The following NHS variants were observed in gnomAD, a reference collection of about 807,000 sequenced individuals.
NHS encodes NHS actin remodeling regulator.
NHS carries 5 observed loss-of-function variants against 72.5 expected under a neutral mutation model. That is an observed-to-expected ratio of 0.07 (90% CI 0.04 to 0.14). The LOEUF (loss-of-function observed/expected upper bound fraction) is 0.14, where lower values mean the gene tolerates loss of function less well. Ranked by LOEUF, NHS falls within the 10% of genes least tolerant of loss-of-function variation. The pLI, the probability that NHS is intolerant of heterozygous loss-of-function variation, is 1.00. For synonymous variants in NHS, 464 were observed against 547.7 expected (o/e 0.85, Z 2.13); for missense variants, 1,072 against 1,355.7 (o/e 0.79, Z 3.29).
At chrX:17,652,748 C>T (rs541191643) in intron 1 of NHS, among the ~76,000 whole-genome samples, 1 of 111,839 alleles carries the variant, frequency 8.9e-6, no homozygotes, top group South Asian at 3.8e-4. Context: ...ATATTTCCAA[C>T]ACAAAGAAAT....
chrX:17,469,306 G>A (rs988175636), intron 1 of NHS, among the ~76,000 whole-genome samples: 4 of 112,365 alleles, frequency 3.6e-5, no homozygotes, highest in Non-Finnish European at 7.5e-5. Context: ...GAAAACATGC[G>A]TTTGTATTTC....
chrX:17,433,523 T>C (rs974821428), intron 1 of NHS, among the ~76,000 whole-genome samples: 14 of 110,502 alleles, frequency 1.3e-4, no homozygotes, highest in Admixed American at 1.1e-3. Flanking sequence ...ACTTGGCTGG[T>C]GGTCCAACAG....
chrX:17,571,853 C>T (rs1361979225), intron 1 of NHS, among the ~76,000 whole-genome samples: 1 of 112,210 alleles, frequency 8.9e-6, no homozygotes. Flanking sequence ...CCCAGAGGTT[C>T]TGGTACATTG....
At chrX:17,635,617 G>A (rs1475554510) in intron 1 of NHS, 2 of 1,162,733 alleles carry the variant, frequency 1.7e-6, no homozygotes, top group African/African-American at 3.6e-5. Flanking sequence ...GGGGTTTGCA[G>A]CATTTCTTGG....
chrX:17,575,376 A>G (rs2065504983), intron 1 of NHS, among the ~76,000 whole-genome samples: 1 of 112,221 alleles, frequency 8.9e-6, no homozygotes, highest in Admixed American at 9.4e-5. Flanking sequence ...AAAATACATC[A>G]CCAGTTTTTA....
intron 1 of NHS, among the ~76,000 whole-genome samples, chrX:17,615,194 A>C (rs776574242): frequency 3.5e-5 from 3 of 86,816 alleles, no homozygotes. Flanking sequence ...GTATATATAC[A>C]CATATATACG....
At chrX:17,673,576 G>A (rs753715100) in intron 1 of NHS, among the ~76,000 whole-genome samples, 1 of 111,268 alleles carries the variant, frequency 9.0e-6, no homozygotes, top group South Asian at 3.8e-4. Context: ...TAGCTATATT[G>A]AGGGCCTAAC....
chrX:17,482,914 G>T (rs1242386681), intron 1 of NHS, among the ~76,000 whole-genome samples: 1 of 112,252 alleles, frequency 8.9e-6, no homozygotes, highest in Non-Finnish European at 1.9e-5. Context: ...CTATGGGGAG[G>T]GGATGGGGAA....
chrX:17,383,139 A>G (rs2064386736), intron 1 of NHS, among the ~76,000 whole-genome samples: 4 of 111,384 alleles, frequency 3.6e-5, no homozygotes, highest in African/African-American at 1.3e-4. Flanking sequence ...TCACTTCTTC[A>G]CTCACCTATG....
intron 1 of NHS, among the ~76,000 whole-genome samples, chrX:17,481,203 G>A (rs2064944572): frequency 8.9e-6 from 1 of 111,945 alleles, no homozygotes; most frequent in Non-Finnish European, 1.9e-5. Flanking sequence ...ATCTCTTCAA[G>A]TGCATTTAAT....
chrX:17,545,302 T>G (rs2065286688), intron 1 of NHS, among the ~76,000 whole-genome samples: 1 of 112,501 alleles, frequency 8.9e-6, no homozygotes, highest in African/African-American at 3.2e-5. Context: ...AGACATTTAT[T>G]ATTTGCTCGG....
At chrX:17,426,577 T>G (rs2064658646) in intron 1 of NHS, among the ~76,000 whole-genome samples, 1 of 112,226 alleles carries the variant, frequency 8.9e-6, no homozygotes, top group African/African-American at 3.2e-5. Context: ...AATTGCTAAG[T>G]TTCCTTGTAG....
chrX:17,460,824 C>T (rs765547235), intron 1 of NHS, among the ~76,000 whole-genome samples: 1 of 111,836 alleles, frequency 8.9e-6, no homozygotes, highest in Non-Finnish European at 1.9e-5. Context: ...CTTATAAGAA[C>T]CCCATGAGGT....
chrX:17,487,060 C>T (rs1438485922), intron 1 of NHS, among the ~76,000 whole-genome samples: 3 of 112,082 alleles, frequency 2.7e-5, no homozygotes, highest in Non-Finnish European at 3.8e-5. Flanking sequence ...AGCCACTCTA[C>T]GCTCCTGCTC....
intron 3 of NHS, among the ~76,000 whole-genome samples, chrX:17,695,775 G>A (rs2066225202): frequency 9.0e-6 from 1 of 111,003 alleles, no homozygotes; most frequent in Non-Finnish European, 1.9e-5. Flanking sequence ...TTCTCCAGGG[G>A]GAACTCACAG....
chrX:17,406,415 C>G (rs943601893), intron 1 of NHS, among the ~76,000 whole-genome samples: 6 of 111,452 alleles, frequency 5.4e-5, no homozygotes, highest in Non-Finnish European at 1.1e-4. Flanking sequence ...CCTGTCTAAA[C>G]AAGCGGGTCT....
At chrX:17,705,125 G>A (rs2066288674) in intron 3 of NHS, among the ~76,000 whole-genome samples, 1 of 111,788 alleles carries the variant, frequency 8.9e-6, no homozygotes, top group African/African-American at 3.3e-5. Flanking sequence ...GAAATAGACT[G>A]GGTGTACTAT....
chrX:17,598,317 C>T (rs766472654), intron 1 of NHS, among the ~76,000 whole-genome samples: 3 of 112,177 alleles, frequency 2.7e-5, no homozygotes, highest in Non-Finnish European at 1.9e-5. Flanking sequence ...ACTGGCCAGG[C>T]GCCAAGATAA....
At chrX:17,652,043 C>T (rs2065932919) in intron 1 of NHS, among the ~76,000 whole-genome samples, 1 of 112,494 alleles carries the variant, frequency 8.9e-6, no homozygotes, top group African/African-American at 3.2e-5. Flanking sequence ...CAGCCACATC[C>T]ATCTATATAT....
Sources: gnomAD v4.1 joint callset for allele counts (sites outside exome capture counted in the v4.1 genomes callset) on GRCh38, gnomAD v4.1.1 for gene constraint, MANE v1.5 for transcripts, NCBI Gene and HGNC (gene_info 2026-07-23, HGNC 2026-07-21) for gene names.